COL7A1: variants seen among roughly 807,000 people sequenced by gnomAD.
The protein encoded by COL7A1 is collagen alpha-1(VII) chain.
A neutral mutation model predicts 456.2 loss-of-function variants in COL7A1; 296 were observed. That is an observed-to-expected ratio of 0.65 (90% CI 0.59 to 0.71). The LOEUF (loss-of-function observed/expected upper bound fraction) is 0.71, where lower values mean the gene tolerates loss of function less well. Among genes scored for constraint, COL7A1 ranks in the 30% least tolerant of loss-of-function variants. COL7A1 has a pLI of 0.00. For missense variants in COL7A1, 3,441 were observed against 4,017.2 expected (o/e 0.86, Z 3.88); for synonymous variants, 1,464 against 1,525.9 (o/e 0.96, Z 0.95).
rs776444474 is a variant in COL7A1 at position 48,579,830 on chromosome 3, C to A, written c.5125-16G>T. On this transcript the variant is annotated splice_polypyrimidine_tract_variant and intron_variant, in intron 57 of 118. Transcript: ENST00000681320. The surrounding 1 kb of genome is among the most constrained non-coding windows in gnomAD (Gnocchi z 4.4). ...CTGTGTCTACCTGTGGGGGGAATGA[C>A]CAGTGAGAAGAATGGCTCAACAAGG... 1.1e-5 allele frequency: 18 copies of A among 1,613,850 alleles called. No individual in the cohort carries two copies. The East Asian group carries it at 3.3e-4, about 30-fold the overall frequency.
chr3:48,564,822 G>A lies in COL7A1; in HGVS notation c.8779C>T (p.Arg2927Cys), dbSNP rs150635097. ...NRFGTREACE[R>C]RCPPRVVQSQ... The stretch of plus-strand genomic sequence containing the variant: ...TGGACCACCCGGGGTGGGCAGCGGC[G>A]CTCGCAGGCCTCACGGGTCCCAAAA... The change falls in exon 118 of 119, where the codon CGC (arginine) becomes TGC (cysteine). Residue 2927 changes from arginine (R) to cysteine (C), a missense_variant. By Grantham distance (180) the Arg-to-Cys change is radical (BLOSUM62 -3). Coordinates refer to ENST00000681320, the MANE Select transcript of COL7A1 (RefSeq NM_000094.4). The surrounding 1 kb of genome is among the most constrained non-coding windows in gnomAD (Gnocchi z 6.0). 89 of 1,614,026 alleles carry A rather than the reference G, an allele frequency of 5.5e-5. No individual in the cohort carries two copies. The East Asian group carries it at 6.0e-4, about 11-fold the overall frequency.
At position 48,571,041 on chromosome 3, in the gene COL7A1, C is replaced by G; in HGVS notation, c.7164+60G>C. Reference sequence around the variant, plus strand: ...CCCAGGACTCTCATCAGAACTCCCTCTTCCTCCTGTGGGGGCCCGGCCTGC... The same window carrying G: ...CCCAGGACTCTCATCAGAACTCCCTGTTCCTCCTGTGGGGGCCCGGCCTGC... On this transcript the variant is annotated intron_variant, in intron 94 of 118. Coordinates refer to ENST00000681320, the MANE Select transcript of COL7A1 (RefSeq NM_000094.4). This position sits in a 1 kb window ranked among gnomAD's most constrained non-coding sequence, Gnocchi z 4.6. The G allele has an allele frequency of 6.2e-7, 1 of 1,612,258 alleles. No individual in the cohort carries two copies. Among genetic ancestry groups the G allele is most frequent in the South Asian group, 1.1e-5 (1 of 91,042 alleles).
rs1457157916 is a variant in COL7A1, at chr3:48,581,252, CCT to C, written c.4899+6_4899+7del. The C allele has an allele frequency of 1.2e-6, 2 of 1,613,376 alleles. No individual in the cohort carries two copies. On this transcript the variant is annotated splice_donor_region_variant and intron_variant, in intron 52 of 118. Transcript: ENST00000681320. The surrounding 1 kb of genome is among the most constrained non-coding windows in gnomAD (Gnocchi z 5.8). Reference sequence around the variant, plus strand: ...CCCGCCATGACTCCCCCGACTCCAGCCTCTTACATCTCGTCCTCGGGGGCCAA... The same window carrying C: ...CCCGCCATGACTCCCCCGACTCCAGCCTTACATCTCGTCCTCGGGGGCCAA...
At chr3:48,576,027 G>A in intron 71 of COL7A1, 125 bp from the exon 72 acceptor site, 1 of 1,510,382 alleles carries the variant, frequency 6.6e-7, no homozygotes, top group East Asian at 2.3e-5. Flanking sequence ...GCACCCTTTA[G>A]CACTTGGTTG....
chr3:48,582,505 T>C lies in COL7A1; in HGVS notation c.4572A>G (p.Pro1524=). 1.9e-6 allele frequency: 3 copies of C among 1,613,980 alleles called. No individual in the cohort carries two copies. The highest frequency in any genetic ancestry group is 2.5e-6 in the Non-Finnish European group (3 of 1,180,004). ...TCTCTCCTTGGCGGCCAGTGGGTCC[T>C]GGTGGCCCCTGAATGTAGAGAAAGT... The part of the protein sequence containing the change: ...RPGAKGPEGP[P]GPTGRQGEKG... Residue 1524 remains proline, a synonymous_variant, in exon 46 of 119, where the codon CCA becomes CCG. Coordinates refer to ENST00000681320, the MANE Select transcript of COL7A1 (RefSeq NM_000094.4).
In COL7A1 at chr3:48,590,677, G is replaced by C. The variant is rs1446059277; in HGVS notation, c.1776C>G (p.Arg592=). ...CAAGCCTCCTGCAGTACTCACCCCG[G>C]CGGACAGTGAGGACACTGGCACTGC... is the stretch of plus-strand genomic sequence containing the variant. ...REGSASVLTV[R]REPETPLAVP... is the part of the protein sequence containing the mutation. The change falls in exon 14 of 119, where the codon CGC becomes CGG. Residue 592 remains arginine, a synonymous_variant. Coordinates refer to ENST00000681320, the MANE Select transcript of COL7A1 (RefSeq NM_000094.4). This position sits in a 1 kb window ranked among gnomAD's most constrained non-coding sequence, Gnocchi z 4.6. 1 of 1,613,886 alleles carries C rather than the reference G, an allele frequency of 6.2e-7. No individual in the cohort carries two copies. The highest frequency in any genetic ancestry group is 2.2e-5 in the East Asian group (1 of 44,898).
At position 48,591,940 on chromosome 3, in the gene COL7A1, G is replaced by T. The variant is rs1167058652; in HGVS notation, c.1315C>A (p.Pro439Thr). The T allele has an allele frequency of 1.2e-6, 2 of 1,614,154 alleles. No individual in the cohort carries two copies. Among genetic ancestry groups the T allele is most frequent in the South Asian group, 2.2e-5 (2 of 91,074 alleles). Reference protein sequence around the residue: ...TSILLSWNLVPEARGYRLEWR... With the variant: ...TSILLSWNLVTEARGYRLEWR... Reference sequence around the variant, plus strand: ...TCCAACCGGTAGCCACGGGCCTCAGGCACCAAGTTCCAGGAAAGGAGGATG... The same window carrying T: ...TCCAACCGGTAGCCACGGGCCTCAGTCACCAAGTTCCAGGAAAGGAGGATG... Residue 439 changes from proline to threonine, a missense_variant, in exon 11 of 119, where the codon CCT (proline) becomes ACT (threonine). By Grantham distance (38) the Pro-to-Thr change is conservative (BLOSUM62 -1). Transcript: ENST00000681320. This position sits in a 1 kb window ranked among gnomAD's most constrained non-coding sequence, Gnocchi z 7.0.
In COL7A1 at chr3:48,579,970, T is replaced by C. The variant is rs2044622143; in HGVS notation, c.5124+61A>G. ...TAGTGGAAGGAATGAGGGGACATGA[T>C]GTGGAGCCAAAGGGGCAAGTGAGAA... On this transcript the variant is annotated intron_variant, in intron 57 of 118. Coordinates refer to ENST00000681320, the MANE Select transcript of COL7A1 (RefSeq NM_000094.4). The surrounding 1 kb of genome is among the most constrained non-coding windows in gnomAD (Gnocchi z 4.4). 1 of 1,611,828 alleles carries C rather than the reference T, an allele frequency of 6.2e-7. No individual in the cohort carries two copies. The highest frequency in any genetic ancestry group is 1.1e-5 in the South Asian group (1 of 91,036).
In COL7A1 at chr3:48,565,225, G is replaced by A; in HGVS notation, c.8528-24C>T. ...CTCTGCAGGTAGGGCAGGGTGTGCTGGGAGCAGTGGCTGCTGGCCCCGGGG... is the reference window on the plus strand; with the variant it reads ...CTCTGCAGGTAGGGCAGGGTGTGCTAGGAGCAGTGGCTGCTGGCCCCGGGG... On this transcript the variant is annotated intron_variant, in intron 116 of 118. Transcript: ENST00000681320. The surrounding 1 kb of genome is among the most constrained non-coding windows in gnomAD (Gnocchi z 4.5). 1.2e-6 allele frequency: 2 copies of A among 1,605,684 alleles called. No homozygotes were observed. Among genetic ancestry groups the A allele is most frequent in the Non-Finnish European group, 8.5e-7 (1 of 1,173,970 alleles).
rs770049663 is a variant in COL7A1 at position 48,592,142 on chromosome 3, G to A, written c.1200C>T (p.Gly400=). 5.0e-6 allele frequency: 8 copies of A among 1,613,982 alleles called. No homozygotes were observed. In the African/African-American group the frequency reaches 9.3e-5, roughly 19 times the overall value. Residue 400 remains glycine, a synonymous_variant, in exon 10 of 119, where the codon GGC becomes GGT. Transcript: ENST00000681320. The surrounding 1 kb of genome is among the most constrained non-coding windows in gnomAD (Gnocchi z 7.6). ...GGGAAGTGGCGGGCCCCACACTGCG[G>A]CCAAATAGGGTGCTCACGGTCACCT... is the stretch of plus-strand genomic sequence containing the variant. ...DYEVTVSTLF[G]RSVGPATSLM... is the part of the protein sequence containing the mutation.
At position 48,591,399 on chromosome 3, in the gene COL7A1, C is replaced by T; in HGVS notation, c.1636+65G>A. The T allele has an allele frequency of 1.3e-6, 2 of 1,598,404 alleles. No individual in the cohort carries two copies. The highest frequency in any genetic ancestry group is 1.7e-5 in the Admixed American group (1 of 59,554). Reference sequence around the variant, plus strand: ...GTGTGGAAGGAGAGGGCTGGAGGTACACTCAGACCCCTCAGGCTGGAACTT... The same window carrying T: ...GTGTGGAAGGAGAGGGCTGGAGGTATACTCAGACCCCTCAGGCTGGAACTT... On this transcript the variant is annotated intron_variant, in intron 13 of 118. Transcript: ENST00000681320. This position sits in a 1 kb window ranked among gnomAD's most constrained non-coding sequence, Gnocchi z 7.0.
Position 48,568,041 on chromosome 3 carries a change from A to G in COL7A1, c.7875+49T>C. ...CTGACCCCAGGTCCCTCGCCCTTCA[A>G]CATTAGGCCTTCCTGACCAGAAAAA... On this transcript the variant is annotated intron_variant, in intron 106 of 118. Transcript: ENST00000681320. This position sits in a 1 kb window ranked among gnomAD's most constrained non-coding sequence, Gnocchi z 5.2. 6.2e-7 allele frequency: 1 copy of G among 1,611,746 alleles called. No individual in the cohort carries two copies. The highest frequency in any genetic ancestry group is 8.5e-7 in the Non-Finnish European group (1 of 1,177,830).
chr3:48,588,217 C>T lies in COL7A1; in HGVS notation c.2710+65G>A. 5.0e-6 allele frequency: 8 copies of T among 1,611,376 alleles called. No individual in the cohort carries two copies. Among genetic ancestry groups the T allele is most frequent in the African/African-American group, 1.3e-5 (1 of 74,988 alleles). On this transcript the variant is annotated intron_variant, in intron 21 of 118. Coordinates refer to ENST00000681320, the MANE Select transcript of COL7A1 (RefSeq NM_000094.4). This position sits in a 1 kb window ranked among gnomAD's most constrained non-coding sequence, Gnocchi z 4.6. ...GCCCACCATCACTGTCCTCGCCTAC[C>T]TTGCGGAGTCTGCCACAGCCCTGCC...
chr3:48,573,289 C>T lies in COL7A1; in HGVS notation c.6651+27G>A, dbSNP rs1425299105. Reference sequence around the variant, plus strand: ...GCCAACCCCACCCATCTCCCTATGACCCTAACCTGTGAGCTAGGCCACTCA... The same window carrying T: ...GCCAACCCCACCCATCTCCCTATGATCCTAACCTGTGAGCTAGGCCACTCA... On this transcript the variant is annotated intron_variant, in intron 84 of 118. Coordinates refer to ENST00000681320, the MANE Select transcript of COL7A1 (RefSeq NM_000094.4). The surrounding 1 kb of genome is among the most constrained non-coding windows in gnomAD (Gnocchi z 5.5). 8 of 1,614,004 alleles carry T rather than the reference C, an allele frequency of 5.0e-6. No individual in the cohort carries two copies. Among genetic ancestry groups the T allele is most frequent in the Non-Finnish European group, 6.8e-6 (8 of 1,180,020 alleles).
rs769833467 is a variant in COL7A1, at chr3:48,585,589, G to A, written c.3862C>T (p.Pro1288Ser). ...GRTGAPGPQGPPGSATAKGER... is the reference protein window; with the variant it reads ...GRTGAPGPQGSPGSATAKGER... Reference sequence around the variant, plus strand: ...CCCTTGGCAGTGGCACTTCCAGGGGGCCCCTGGGGGCCGGGAGCACCGGTC... The same window carrying A: ...CCCTTGGCAGTGGCACTTCCAGGGGACCCCTGGGGGCCGGGAGCACCGGTC... Residue 1288 changes from proline to serine, a missense_variant, in exon 32 of 119, where the codon CCC (proline) becomes TCC (serine). By Grantham distance (74) the Pro-to-Ser change is moderately conservative. Transcript: ENST00000681320. This position sits in a 1 kb window ranked among gnomAD's most constrained non-coding sequence, Gnocchi z 4.5. 3.7e-5 allele frequency: 60 copies of A among 1,613,836 alleles called. No homozygotes were observed. Among genetic ancestry groups the A allele is most frequent in the African/African-American group, 5.3e-5 (4 of 74,932 alleles).
chr3:48,581,893 G>GC lies in COL7A1; in HGVS notation c.4668+17dup, dbSNP rs756470588. ...CTCAACCCTGTAGAAACCTCCCCTT[G>GC]CCCCATACCAGGCTTACCTTTTCTC... On this transcript the variant is annotated intron_variant, in intron 48 of 118. Transcript: ENST00000681320. This position sits in a 1 kb window ranked among gnomAD's most constrained non-coding sequence, Gnocchi z 5.8. 3 of 1,614,026 alleles carry GC rather than the reference G, an allele frequency of 1.9e-6. No homozygotes were observed. The highest frequency in any genetic ancestry group is 2.5e-6 in the Non-Finnish European group (3 of 1,180,012).
chr3:48,590,959 G>A lies in COL7A1; in HGVS notation c.1637-143C>T, dbSNP rs970226903. Reference sequence around the variant, plus strand: ...GGTGGGGACCAGAGAGCTGGGATATGGCTGAAAAAAGTGAGTGCAAGACAA... The same window carrying A: ...GGTGGGGACCAGAGAGCTGGGATATAGCTGAAAAAAGTGAGTGCAAGACAA... On this transcript the variant is annotated intron_variant, in intron 13 of 118. Transcript: ENST00000681320. The surrounding 1 kb of genome is among the most constrained non-coding windows in gnomAD (Gnocchi z 4.6). The A allele has an allele frequency of 1.1e-6, 1 of 947,608 alleles. No individual in the cohort carries two copies. The highest frequency in any genetic ancestry group is 1.6e-6 in the Non-Finnish European group (1 of 612,202). The allele number at this position is 947,608 out of a possible 1,614,324, so 58.7% of individuals were successfully genotyped here.
At position 48,585,997 on chromosome 3, in the gene COL7A1, G is replaced by A. The variant is rs774591461; in HGVS notation, c.3724-22C>T. On this transcript the variant is annotated intron_variant, in intron 28 of 118. Coordinates refer to ENST00000681320, the MANE Select transcript of COL7A1 (RefSeq NM_000094.4). This position sits in a 1 kb window ranked among gnomAD's most constrained non-coding sequence, Gnocchi z 4.5. ...GGGGCTGCGGACATAGGGTCTCTTT[G>A]AGGTTGAACATTTCTACCAAGAACC... The A allele has an allele frequency of 6.2e-7, 1 of 1,613,786 alleles. No homozygotes were observed. The highest frequency in any genetic ancestry group is 8.5e-7 in the Non-Finnish European group (1 of 1,180,012).
chr3:48,571,568 T>C lies in COL7A1; in HGVS notation c.7069-290A>G. 2.9e-6 allele frequency: 2 copies of C among 680,918 alleles called. No individual in the cohort carries two copies. Among genetic ancestry groups the C allele is most frequent in the South Asian group, 3.0e-5 (2 of 66,426 alleles). 42.2% of individuals were successfully genotyped at this position (680,918 alleles called of 1,614,324 possible). A position where few individuals can be genotyped will look rare whatever the true frequency, so the allele number is the denominator to read the frequency against. On this transcript the variant is annotated intron_variant, in intron 92 of 118. Coordinates refer to ENST00000681320, the MANE Select transcript of COL7A1 (RefSeq NM_000094.4). This position sits in a 1 kb window ranked among gnomAD's most constrained non-coding sequence, Gnocchi z 4.6. The stretch of plus-strand genomic sequence containing the variant: ...AGACATCTGGCTCCACAGACGTGAG[T>C]GCGGACACACGGGCGCTCAGAGGGG...
Sources: gnomAD v4.1 joint callset for allele counts on GRCh38, gnomAD v4.1.1 for gene constraint, Gnocchi (gnomAD v3.1) non-coding constraint, MANE v1.5 for transcripts, NCBI Gene and HGNC (gene_info 2026-07-23, HGNC 2026-07-21) for gene names.